Variants in ROBO2 observed in about 807,000 individuals in gnomAD.
ROBO2 encodes roundabout homolog 2.
In ROBO2, 53 loss-of-function variants were observed where a neutral mutation model predicts 160.8. The observed-to-expected ratio is 0.33, with a 90% CI of 0.26 to 0.41. ROBO2 has a LOEUF of 0.41. Among genes scored for constraint, ROBO2 ranks in the 10% least tolerant of loss-of-function variants. The pLI, the probability that ROBO2 is intolerant of heterozygous loss-of-function variation, is 1.00. For synonymous variants in ROBO2, 664 were observed against 611.7 expected, an observed-to-expected ratio of 1.09 and a Z score of -1.26; for missense variants, 1,577 against 1,722.4, an observed-to-expected ratio of 0.92 and a Z score of 1.49.
intron 2 of ROBO2, among the ~76,000 whole-genome samples, chr3:76,029,367 T>G: frequency 6.6e-6 from 1 of 151,968 alleles, no homozygotes; most frequent in East Asian, 1.9e-4. Flanking sequence ...CTTACATTTC[T>G]TTATTATTAT....
At chr3:76,255,447 G>A (rs970825894) in intron 2 of ROBO2, among the ~76,000 whole-genome samples, 1 of 151,798 alleles carries the variant, frequency 6.6e-6, no homozygotes, top group African/African-American at 2.4e-5. Context: ...GCTCTTTTTC[G>A]CCAAGAGCCT....
chr3:76,280,833 A>C (rs554850976), intron 2 of ROBO2, among the ~76,000 whole-genome samples: 1 of 152,034 alleles, frequency 6.6e-6, no homozygotes, highest in East Asian at 1.9e-4. Flanking sequence ...AATTCCATCA[A>C]GTAAGTGCAC....
At chr3:77,184,331 T>C (rs570626373) in intron 2 of ROBO2, among the ~76,000 whole-genome samples, 1 of 152,156 alleles carries the variant, frequency 6.6e-6, no homozygotes, top group South Asian at 2.1e-4. Context: ...CAGCTATGCG[T>C]GAAGCACTGT....
At chr3:76,079,386 G>C (rs28766103) in intron 2 of ROBO2, among the ~76,000 whole-genome samples, 7 of 151,604 alleles carry the variant, frequency 4.6e-5, no homozygotes, top group African/African-American at 1.2e-4. Flanking sequence ...CATTGTATGT[G>C]TGTATCAAAA....
chr3:76,903,089 A>G (rs1432738572), intron 2 of ROBO2, among the ~76,000 whole-genome samples: 2 of 152,070 alleles, frequency 1.3e-5, no homozygotes, highest in South Asian at 2.1e-4. Flanking sequence ...TATTAATATT[A>G]TAGTACAGTT....
intron 2 of ROBO2, among the ~76,000 whole-genome samples, chr3:76,282,046 C>T (rs1708259737): frequency 6.6e-6 from 1 of 151,996 alleles, no homozygotes; most frequent in Non-Finnish European, 1.5e-5. Context: ...CATAGCCTGA[C>T]ATCTTTATAT....
intron 2 of ROBO2, among the ~76,000 whole-genome samples, chr3:77,105,423 T>C (rs2072659924): frequency 6.6e-6 from 1 of 152,078 alleles, no homozygotes; most frequent in South Asian, 2.1e-4. Context: ...TGGTGGGTGG[T>C]AGGGGAGGAG....
intron 2 of ROBO2, among the ~76,000 whole-genome samples, chr3:77,338,150 A>G (rs1424260958): frequency 6.6e-6 from 1 of 152,196 alleles, no homozygotes; most frequent in Non-Finnish European, 1.5e-5. Context: ...TCTATTTTTA[A>G]TATTCAATAC....
At chr3:77,235,611 G>A (rs1203613959) in intron 2 of ROBO2, among the ~76,000 whole-genome samples, 4 of 152,036 alleles carry the variant, frequency 2.6e-5, no homozygotes, top group African/African-American at 7.2e-5. Flanking sequence ...ATATATTAAA[G>A]AGAAAGTCTC....
At chr3:77,201,530 G>C (rs1433903315) in intron 2 of ROBO2, among the ~76,000 whole-genome samples, 1 of 151,992 alleles carries the variant, frequency 6.6e-6, no homozygotes, top group East Asian at 1.9e-4. Flanking sequence ...GAAGACCAAG[G>C]AACATGATAA....
At chr3:76,126,278 A>AT (rs1207866914) in intron 2 of ROBO2, among the ~76,000 whole-genome samples, 4 of 151,922 alleles carry the variant, frequency 2.6e-5, no homozygotes, top group African/African-American at 9.7e-5. Flanking sequence ...GTTTGCTTTT[A>AT]TTTTTTCCGC....
At chr3:77,323,080 T>G (rs1357992982) in intron 2 of ROBO2, among the ~76,000 whole-genome samples, 1 of 142,462 alleles carries the variant, frequency 7.0e-6, no homozygotes, top group African/African-American at 2.6e-5. Context: ...ATGGATAATA[T>G]AATATATTAT....
chr3:77,491,435 C>T (rs969466505), intron 4 of ROBO2, among the ~76,000 whole-genome samples: 1 of 152,090 alleles, frequency 6.6e-6, no homozygotes, highest in East Asian at 1.9e-4. Flanking sequence ...AAGTCGATCC[C>T]GCTTCCTATG....
chr3:77,057,369 G>A (rs1349934897), intron 1 of ROBO2, among the ~76,000 whole-genome samples: 2 of 152,088 alleles, frequency 1.3e-5, no homozygotes, highest in East Asian at 1.9e-4. Context: ...TAAATGACGA[G>A]TTAATGGGTG....
intron 2 of ROBO2, among the ~76,000 whole-genome samples, chr3:76,827,880 T>C (rs1026966361): frequency 1.3e-5 from 2 of 152,090 alleles, no homozygotes; most frequent in South Asian, 4.1e-4. Context: ...TACTTTAAGA[T>C]TGTAAAGTTA....
At chr3:77,369,800 G>A (rs1351484358) in intron 2 of ROBO2, among the ~76,000 whole-genome samples, 2 of 152,160 alleles carry the variant, frequency 1.3e-5, no homozygotes, top group Non-Finnish European at 2.9e-5. Flanking sequence ...TGTCCCAAGA[G>A]TTATATTCTT....
chr3:76,350,261 T>C (rs375711092), intron 2 of ROBO2, among the ~76,000 whole-genome samples: 1 of 152,158 alleles, frequency 6.6e-6, no homozygotes, highest in South Asian at 2.1e-4. Flanking sequence ...CAATAGGAGA[T>C]AATTGCTTTG....
rs527324311 is a variant in ROBO2 at position 76,141,975 on chromosome 3, A to G, written c.109+204373A>G. ...TAAATGAATGACTAAGAAGGTCAAC[A>G]GTTTTAAGCAGTAAAATAATACCTA... On this transcript the variant is annotated intron_variant, in intron 2 of 26. Coordinates refer to the ROBO2 transcript ENST00000487694. 1.2e-4 allele frequency among the ~76,000 whole-genome samples: 19 copies of G among 152,132 alleles called. No homozygotes were observed. The South Asian group carries it at 3.9e-3, about 31-fold the overall frequency.
At chr3:77,009,364 T>C (rs772232624) in intron 2 of ROBO2, among the ~76,000 whole-genome samples, 4 of 152,152 alleles carry the variant, frequency 2.6e-5, no homozygotes, top group Non-Finnish European at 4.4e-5. Flanking sequence ...AAATTTAGAG[T>C]AAATATTCAA....
Sources: gnomAD v4.1 joint callset for allele counts (sites outside exome capture counted in the v4.1 genomes callset) on GRCh38, gnomAD v4.1.1 for gene constraint, MANE v1.5 for transcripts, NCBI Gene and HGNC (gene_info 2026-07-23, HGNC 2026-07-21) for gene names.